Variants in CNOT4 observed in about 807,000 individuals in gnomAD.
The protein encoded by CNOT4 is CCR4-NOT transcription complex subunit 4, also known as CCR4-associated factor 4.
CNOT4 carries 8 observed loss-of-function variants against 73.8 expected under a neutral mutation model. The observed-to-expected ratio is 0.11, with a 90% CI of 0.06 to 0.20. The LOEUF is 0.20. CNOT4 is among the 10% of genes least tolerant of loss of function. The probability of loss-of-function intolerance (pLI) is 1.00; values close to 1 mark genes in which losing one functional copy is unlikely to be tolerated. For synonymous variants in CNOT4, 293 were observed against 321.1 expected, an observed-to-expected ratio of 0.91 and a Z score of 0.94; for missense variants, 564 against 883.4, an observed-to-expected ratio of 0.64 and a Z score of 4.58.
rs974614976 is a variant in CNOT4 at position 135,507,445 on chromosome 7, C to A, written c.-93+2444G>T. 2.0e-5 allele frequency among the ~76,000 whole-genome samples: 3 copies of A among 152,104 alleles called. No homozygotes were observed. The South Asian group carries it at 6.2e-4, about 32-fold the overall frequency. On this transcript the variant is annotated intron_variant, in intron 1 of 11. Coordinates refer to ENST00000541284, the MANE Select transcript of CNOT4 (RefSeq NM_001190850.2). ...GAAATCTCAGCTCCCTATTTCCTATCAAAATGTTAAAGAACTTTAGATATC... is the reference window on the plus strand; with the variant it reads ...GAAATCTCAGCTCCCTATTTCCTATAAAAATGTTAAAGAACTTTAGATATC...
At chr7:135,496,737 T>C (rs983434806) in intron 1 of CNOT4, among the ~76,000 whole-genome samples, 3 of 152,240 alleles carry the variant, frequency 2.0e-5, no homozygotes, top group Admixed American at 2.0e-4. Flanking sequence ...ACTGTTCTTA[T>C]TAAAGTATCT....
chr7:135,465,813 C>T (rs1490309683), intron 1 of CNOT4, among the ~76,000 whole-genome samples: 3 of 149,702 alleles, frequency 2.0e-5, no homozygotes, highest in Non-Finnish European at 4.5e-5. Context: ...TTTGGGAGGC[C>T]GAGGCAGGTG....
intron 2 of CNOT4, among the ~76,000 whole-genome samples, chr7:135,433,086 C>T (rs993402159): frequency 1.3e-5 from 2 of 152,068 alleles, no homozygotes; most frequent in African/African-American, 4.8e-5. Context: ...GATTACTTCC[C>T]CTCTGTATCA....
At chr7:135,467,273 T>C (rs983084299) in intron 1 of CNOT4, among the ~76,000 whole-genome samples, 1 of 152,182 alleles carries the variant, frequency 6.6e-6, no homozygotes, top group Non-Finnish European at 1.5e-5. Context: ...TTCAGGTTCT[T>C]CAAGATTTCA....
rs1369144342 is a variant in CNOT4, at chr7:135,393,987, T to C, written c.1558A>G (p.Asn520Asp). Reference sequence around the variant, plus strand: ...AGATTCAAGTCCAAGAAATTACTATTTGAGGTGGGGTTTGCTGTGTGGTTC... The same window carrying C: ...AGATTCAAGTCCAAGAAATTACTATCTGAGGTGGGGTTTGCTGTGTGGTTC... ...HLNHTANPTS[N>D]SNFLDLNLPP... Residue 520 changes from asparagine to aspartate, a missense_variant, in exon 10 of 12, where the codon AAT (asparagine) becomes GAT (aspartate). Transcript: ENST00000541284. 1.2e-6 allele frequency: 2 copies of C among 1,613,782 alleles called. No homozygotes were observed. The highest frequency in any genetic ancestry group is 1.7e-6 in the Non-Finnish European group (2 of 1,179,836).
intron 1 of CNOT4, among the ~76,000 whole-genome samples, chr7:135,454,738 A>G (rs1253756239): frequency 6.6e-6 from 1 of 152,030 alleles, no homozygotes; most frequent in Non-Finnish European, 1.5e-5. Flanking sequence ...CAAAAAGTAC[A>G]ATAATGAGCT....
intron 1 of CNOT4, among the ~76,000 whole-genome samples, chr7:135,504,000 T>C (rs1804173638): frequency 6.6e-6 from 1 of 152,136 alleles, no homozygotes; most frequent in Non-Finnish European, 1.5e-5. Flanking sequence ...ATAACACAAA[T>C]CAGCCAATGT....
At chr7:135,452,727 C>T (rs1800253096) in intron 1 of CNOT4, among the ~76,000 whole-genome samples, 1 of 151,872 alleles carries the variant, frequency 6.6e-6, no homozygotes, top group Non-Finnish European at 1.5e-5. Flanking sequence ...TTAAGTATGA[C>T]GGACAAATAA....
intron 7 of CNOT4, among the ~76,000 whole-genome samples, chr7:135,407,804 G>A (rs1049678876): frequency 6.6e-6 from 1 of 152,178 alleles, no homozygotes; most frequent in Non-Finnish European, 1.5e-5. Context: ...GGGATTACAG[G>A]CATGTGCCAC....
rs539526385 is a variant in CNOT4, at chr7:135,458,688, T to G, written c.-92-20265A>C. ...GAAGGTCCCATCTCTAAAAACCACT[T>G]TCTTTGCTCATTCTTATGAGGCATC... On this transcript the variant is annotated intron_variant, in intron 1 of 11. Transcript: ENST00000541284. Among the ~76,000 whole-genome samples, 9 of 152,210 alleles carry G rather than the reference T, an allele frequency of 5.9e-5. 1 individual carries two copies. The South Asian group carries it at 1.9e-3, about 32-fold the overall frequency.
chr7:135,430,542 G>T (rs1798751890), intron 2 of CNOT4, among the ~76,000 whole-genome samples: 1 of 152,040 alleles, frequency 6.6e-6, no homozygotes. Flanking sequence ...CTACTTGGTA[G>T]GCTGAAGCAG....
At chr7:135,485,933 G>A (rs1280830808) in intron 1 of CNOT4, among the ~76,000 whole-genome samples, 1 of 152,140 alleles carries the variant, frequency 6.6e-6, no homozygotes, top group Non-Finnish European at 1.5e-5. Flanking sequence ...CTGCTATACT[G>A]AACCTCATCA....
chr7:135,372,555 GTTT>G (rs10617849), intron 10 of CNOT4, among the ~76,000 whole-genome samples: 12 of 119,284 alleles, frequency 1.0e-4, no homozygotes, highest in African/African-American at 3.1e-4. Flanking sequence ...TTGCTACCAT[GTTT>G]TTTTTTTTTT....
intron 1 of CNOT4, among the ~76,000 whole-genome samples, chr7:135,468,430 G>C (rs951509600): frequency 4.3e-4 from 66 of 151,910 alleles, no homozygotes; most frequent in Non-Finnish European, 1.8e-4. Flanking sequence ...CCTGTAGTCC[G>C]AACACTTTGG....
At chr7:135,396,562 A>G (rs1295288468) in intron 8 of CNOT4, among the ~76,000 whole-genome samples, 1 of 152,234 alleles carries the variant, frequency 6.6e-6, no homozygotes, top group Non-Finnish European at 1.5e-5. Flanking sequence ...TGGATTGGTG[A>G]TAAGAGAGAA....
chr7:135,449,986 G>C (rs1478166127), intron 1 of CNOT4, among the ~76,000 whole-genome samples: 1 of 152,078 alleles, frequency 6.6e-6, no homozygotes, highest in Non-Finnish European at 1.5e-5. Flanking sequence ...CTGAGGAATG[G>C]AAATACTGGA....
chr7:135,387,003 G>T, intron 10 of CNOT4: 1 of 747,114 alleles, frequency 1.3e-6, no homozygotes, highest in Non-Finnish European at 1.6e-6. Context: ...GAGCTAGTAA[G>T]CATCATTACA....
At chr7:135,408,403 T>C (rs1336107718) in intron 7 of CNOT4, among the ~76,000 whole-genome samples, 1 of 152,212 alleles carries the variant, frequency 6.6e-6, no homozygotes, top group African/African-American at 2.4e-5. Context: ...CTGTGTATAA[T>C]GGTTTATAGG....
chr7:135,505,873 T>C (rs1804337000), intron 1 of CNOT4, among the ~76,000 whole-genome samples: 1 of 152,170 alleles, frequency 6.6e-6, no homozygotes, highest in South Asian at 2.1e-4. Context: ...GTAGAAAAAG[T>C]TGACATTTAC....
Sources: gnomAD v4.1 joint callset for allele counts (sites outside exome capture counted in the v4.1 genomes callset) on GRCh38, gnomAD v4.1.1 for gene constraint, MANE v1.5 for transcripts, NCBI Gene and HGNC (gene_info 2026-07-23, HGNC 2026-07-21) for gene names.